The following VAV2 variants were observed in gnomAD, a reference collection of about 807,000 sequenced individuals.
The protein encoded by VAV2 is vav guanine nucleotide exchange factor 2, also known as guanine nucleotide exchange factor VAV2.
A neutral mutation model predicts 132.5 loss-of-function variants in VAV2; 67 were observed. That is an observed-to-expected ratio of 0.51 (90% CI 0.42 to 0.62). The LOEUF is 0.62. Ranked by LOEUF, VAV2 falls within the 20% of genes least tolerant of loss-of-function variation. The pLI is 0.00. For synonymous variants in VAV2, 492 were observed against 443.5 expected, an observed-to-expected ratio of 1.11 and a Z score of -1.37; for missense variants, 938 against 1,153.6, an observed-to-expected ratio of 0.81 and a Z score of 2.71.
Position 133,892,846 on chromosome 9 carries a change from A to C in VAV2, c.322-31414T>G, listed in dbSNP as rs147100439. Among the ~76,000 whole-genome samples, 3 of 152,310 alleles carry C rather than the reference A, an allele frequency of 2.0e-5. No individual in the cohort carries two copies. The East Asian group carries it at 5.8e-4, about 29-fold the overall frequency. ...GCGGACCTGGCCCAGCCTTGGCAAT[A>C]AAAAGCATTCCAGGTTCTTGTAAGG... On this transcript the variant is annotated intron_variant, in intron 2 of 29. Coordinates refer to ENST00000371850, the MANE Select transcript of VAV2 (RefSeq NM_001134398.2).
chr9:133,796,780 C>A (rs543838180), intron 10 of VAV2, among the ~76,000 whole-genome samples: 3 of 152,348 alleles, frequency 2.0e-5, no homozygotes, highest in African/African-American at 4.8e-5. Context: ...TGCGATGCTA[C>A]GGAAACCCTC....
At chr9:133,954,237 G>A (rs998163284) in intron 1 of VAV2, among the ~76,000 whole-genome samples, 1 of 152,200 alleles carries the variant, frequency 6.6e-6, no homozygotes, top group Non-Finnish European at 1.5e-5. Flanking sequence ...GAAGCGGCAT[G>A]TGCCTGGTGT....
chr9:133,802,075 G>A lies in VAV2; in HGVS notation c.836+4006C>T, dbSNP rs1834949088. Among the ~76,000 whole-genome samples, 1 of 152,058 alleles carries A rather than the reference G, an allele frequency of 6.6e-6. No homozygotes were observed. The highest frequency in any genetic ancestry group is 1.5e-5 in the Non-Finnish European group (1 of 68,002). Reference sequence around the variant, plus strand: ...GACTCTGAGCACCTGCCACATACCAGGCAGCATGGGCCACAGAGTCCCCAG... The same window carrying A: ...GACTCTGAGCACCTGCCACATACCAAGCAGCATGGGCCACAGAGTCCCCAG... On this transcript the variant is annotated intron_variant, in intron 9 of 29. Coordinates refer to ENST00000371850, the MANE Select transcript of VAV2 (RefSeq NM_001134398.2). This position sits in a 1 kb window ranked among gnomAD's most constrained non-coding sequence, Gnocchi z 5.8.
rs1450088174 is a variant in VAV2, at chr9:133,804,948, C to T, written c.836+1133G>A. ...TCTCCGGGAACCCTCCAAGCCATGG[C>T]CCCTGGAGAGCAGGCTCCAGGACCC... is the stretch of plus-strand genomic sequence containing the variant. On this transcript the variant is annotated intron_variant, in intron 9 of 29. Transcript: ENST00000371850. This position sits in a 1 kb window ranked among gnomAD's most constrained non-coding sequence, Gnocchi z 4.5. Among the ~76,000 whole-genome samples the T allele has an allele frequency of 6.6e-6, 1 of 152,188 alleles. No homozygotes were observed. The highest frequency in any genetic ancestry group is 1.5e-5 in the Non-Finnish European group (1 of 68,014).
At position 133,969,399 on chromosome 9, in the gene VAV2, G is replaced by C. The variant is rs1472481356; in HGVS notation, c.204+22676C>G. ...GGCTGCTAAGTTTGGTCACTCCCAG[G>C]CTGGGGCCAGACCCACCAAGACCAC... On this transcript the variant is annotated intron_variant, in intron 1 of 29. Coordinates refer to ENST00000371850, the MANE Select transcript of VAV2 (RefSeq NM_001134398.2). This position sits in a 1 kb window ranked among gnomAD's most constrained non-coding sequence, Gnocchi z 5.1. Among the ~76,000 whole-genome samples, 3 of 152,064 alleles carry C rather than the reference G, an allele frequency of 2.0e-5. No homozygotes were observed. The highest frequency in any genetic ancestry group is 7.2e-5 in the African/African-American group (3 of 41,402).
intron 1 of VAV2, among the ~76,000 whole-genome samples, chr9:133,950,153 T>C (rs7864007): frequency 6.6e-6 from 1 of 152,338 alleles, no homozygotes; most frequent in East Asian, 1.9e-4. Context: ...CAGCAACCCC[T>C]GGCACAGGCA....
chr9:133,864,779 C>T (rs554736364), intron 2 of VAV2, among the ~76,000 whole-genome samples: 57 of 152,354 alleles, frequency 3.7e-4, no homozygotes, highest in Middle Eastern at 3.4e-3. Flanking sequence ...AGGAGCACGT[C>T]CCAATTGTCC....
chr9:133,792,066 G>GGT (rs368196281), intron 12 of VAV2, among the ~76,000 whole-genome samples, 197 bp from the exon 13 acceptor site: 2 of 142,168 alleles, frequency 1.4e-5, no homozygotes, highest in Non-Finnish European at 1.5e-5. Context: ...ACTGTGCTGT[G>GGT]GTGTGTGTGT....
At chr9:133,952,732 T>C (rs997964998) in intron 1 of VAV2, among the ~76,000 whole-genome samples, 2 of 152,124 alleles carry the variant, frequency 1.3e-5, no homozygotes, top group African/African-American at 2.4e-5. Flanking sequence ...GAGGCACAGA[T>C]TGGCATGATG....
Position 133,884,059 on chromosome 9 carries a change from C to CGGGAGGCGGAGGTTGCA in VAV2, c.322-22644_322-22628dup, listed in dbSNP as rs1838604136. ...CTGAGGCAGGGGAATCACTTGAACC[C>CGGGAGGCGGAGGTTGCA]GGGAGGCGGAGGTTGCAGCGAGGCG... On this transcript the variant is annotated intron_variant, in intron 2 of 29. Coordinates refer to ENST00000371850, the MANE Select transcript of VAV2 (RefSeq NM_001134398.2). This position sits in a 1 kb window ranked among gnomAD's most constrained non-coding sequence, Gnocchi z 5.3. Among the ~76,000 whole-genome samples the CGGGAGGCGGAGGTTGCA allele has an allele frequency of 4.6e-5, 7 of 151,886 alleles. No homozygotes were observed. In the South Asian group the frequency reaches 1.3e-3, roughly 27 times the overall value.
chr9:133,910,917 C>G lies in VAV2; in HGVS notation c.321+28186G>C, dbSNP rs114904383. 7.9e-3 allele frequency among the ~76,000 whole-genome samples: 1,191 copies of G among 151,672 alleles called. 21 individuals carry two copies. The highest frequency in any genetic ancestry group is 0.027 in the African/African-American group (1,116 of 41,338). On this transcript the variant is annotated intron_variant, in intron 2 of 29. Transcript: ENST00000371850. ...TACAGAGGCGGGCACGGGAGTCTAA[C>G]ACAGTCCCGCAGACCGCAAGCCCAT... is the stretch of plus-strand genomic sequence containing the variant.
At chr9:133,922,297 G>A (rs1462110738) in intron 2 of VAV2, among the ~76,000 whole-genome samples, 1 of 152,244 alleles carries the variant, frequency 6.6e-6, no homozygotes, top group Non-Finnish European at 1.5e-5. Flanking sequence ...ACATACCCAG[G>A]AAGGGGCTTG....
At chr9:133,797,364 G>C (rs1834760295) in intron 10 of VAV2, among the ~76,000 whole-genome samples, 1 of 152,016 alleles carries the variant, frequency 6.6e-6, no homozygotes, top group African/African-American at 2.4e-5. Context: ...GATGAGGGGT[G>C]GGTGGTCCCA....
chr9:133,799,646 G>A (rs1012861114), intron 9 of VAV2, among the ~76,000 whole-genome samples: 2 of 152,174 alleles, frequency 1.3e-5, no homozygotes, highest in African/African-American at 2.4e-5. Context: ...TTGACTGGGA[G>A]CCACTTTAAA....
At chr9:133,958,653 CTTT>C (rs1158889100) in intron 1 of VAV2, among the ~76,000 whole-genome samples, 1 of 151,778 alleles carries the variant, frequency 6.6e-6, no homozygotes. Context: ...TTTCTCTATA[CTTT>C]GTATCTGTGT....
At chr9:133,799,932 G>A (rs554653253) in intron 9 of VAV2, among the ~76,000 whole-genome samples, 1 of 152,220 alleles carries the variant, frequency 6.6e-6, no homozygotes, top group Non-Finnish European at 1.5e-5. Context: ...GCTCCGGATC[G>A]GTGTTTTCTC....
intron 2 of VAV2, among the ~76,000 whole-genome samples, chr9:133,915,778 A>C (rs1365505197): frequency 1.3e-5 from 2 of 151,234 alleles, no homozygotes; most frequent in African/African-American, 2.4e-5. Flanking sequence ...CAATGCACAC[A>C]CGCACACGAT....
intron 7 of VAV2, 55 bp downstream of exon 7, chr9:133,808,985 C>G: frequency 6.6e-7 from 1 of 1,524,292 alleles, no homozygotes; most frequent in South Asian, 1.2e-5. Context: ...ATAGGTGGCC[C>G]TGCAGTGACC....
At chr9:133,913,075 G>A (rs887533041) in intron 2 of VAV2, among the ~76,000 whole-genome samples, 1 of 152,194 alleles carries the variant, frequency 6.6e-6, no homozygotes, top group Non-Finnish European at 1.5e-5. Flanking sequence ...CAAGACAAAC[G>A]TCAGCTTTGG....
Sources: gnomAD v4.1 joint callset for allele counts (sites outside exome capture counted in the v4.1 genomes callset) on GRCh38, gnomAD v4.1.1 for gene constraint, Gnocchi (gnomAD v3.1) non-coding constraint, MANE v1.5 for transcripts, NCBI Gene and HGNC (gene_info 2026-07-23, HGNC 2026-07-21) for gene names.